Variants in RALYL observed in about 807,000 individuals in gnomAD.
RALYL encodes RNA-binding Raly-like protein.
RALYL carries 29 observed loss-of-function variants against 35.1 expected under a neutral mutation model. The observed-to-expected ratio is 0.83, with a 90% CI of 0.61 to 1.13. RALYL has a LOEUF of 1.13. RALYL is among the 50% of genes most tolerant of loss of function. RALYL has a pLI of 0.00. For synonymous variants in RALYL, 120 were observed against 127.6 expected, an observed-to-expected ratio of 0.94 and a Z score of 0.40; for missense variants, 359 against 360.4, an observed-to-expected ratio of 1.00 and a Z score of 0.03.
chr8:84,267,902 A>T (rs79527567), intron 1 of RALYL, among the ~76,000 whole-genome samples: 2,892 of 152,262 alleles, frequency 0.019, 42 homozygotes, highest in Non-Finnish European at 0.031. Context: ...AATTCCAAGA[A>T]CTTTGACTAT....
chr8:84,608,706 T>A (rs1817675340), intron 2 of RALYL, among the ~76,000 whole-genome samples: 1 of 152,020 alleles, frequency 6.6e-6, no homozygotes, highest in Non-Finnish European at 1.5e-5. Context: ...TGACACAGAG[T>A]TTCTGAATTC....
intron 1 of RALYL, among the ~76,000 whole-genome samples, chr8:84,189,317 C>A (rs1586029261): frequency 6.6e-6 from 1 of 152,156 alleles, no homozygotes; most frequent in South Asian, 2.1e-4. Context: ...TGCTTGAATT[C>A]TTTCCCAAAC....
intron 1 of RALYL, among the ~76,000 whole-genome samples, chr8:84,230,965 C>A (rs561303942): frequency 6.6e-6 from 1 of 152,308 alleles, no homozygotes; most frequent in Middle Eastern, 3.4e-3. Flanking sequence ...CACATATGTA[C>A]GGAGCCTCTA....
chr8:84,635,006 T>C (rs1824737425), intron 2 of RALYL, among the ~76,000 whole-genome samples: 1 of 151,736 alleles, frequency 6.6e-6, no homozygotes, highest in Admixed American at 6.6e-5. Flanking sequence ...ACCTGCTGTT[T>C]GCCAGATAAT....
At chr8:84,803,921 C>T (rs1339125929) in intron 3 of RALYL, among the ~76,000 whole-genome samples, 2 of 152,180 alleles carry the variant, frequency 1.3e-5, no homozygotes, top group Admixed American at 6.5e-5. Context: ...TTCAGTTCGC[C>T]TACATTTCAC....
At chr8:84,247,337 A>G (rs995852874) in intron 1 of RALYL, among the ~76,000 whole-genome samples, 15 of 152,026 alleles carry the variant, frequency 9.9e-5, no homozygotes, top group Non-Finnish European at 4.4e-5. Context: ...GATGTCTTAA[A>G]CCCTTTTGGT....
intron 6 of RALYL, among the ~76,000 whole-genome samples, chr8:84,871,454 T>A (rs1169454627): frequency 3.4e-4 from 52 of 152,356 alleles, no homozygotes; most frequent in Non-Finnish European, 7.3e-5. Context: ...AAATCTAATG[T>A]TATAAGATAA....
intron 2 of RALYL, among the ~76,000 whole-genome samples, chr8:84,731,455 A>G (rs1451339786): frequency 6.6e-6 from 1 of 152,282 alleles, no homozygotes; most frequent in East Asian, 1.9e-4. Flanking sequence ...GCAAGCAGTA[A>G]ATCTGGTAAT....
At chr8:84,198,948 G>A (rs563957925) in intron 1 of RALYL, among the ~76,000 whole-genome samples, 2 of 152,280 alleles carry the variant, frequency 1.3e-5, no homozygotes, top group Admixed American at 1.3e-4. Context: ...GAACAGTGCT[G>A]CAACATAGGA....
intron 4 of RALYL, among the ~76,000 whole-genome samples, chr8:84,834,961 G>C (rs1439577130): frequency 6.6e-6 from 1 of 152,118 alleles, no homozygotes; most frequent in Non-Finnish European, 1.5e-5. Flanking sequence ...AATATATTTA[G>C]ATAGAAGTGT....
chr8:84,629,731 A>G (rs1428785907), intron 2 of RALYL, among the ~76,000 whole-genome samples: 1 of 152,032 alleles, frequency 6.6e-6, no homozygotes, highest in Non-Finnish European at 1.5e-5. Context: ...AAAGCTTGAA[A>G]GGTTATGCAC....
In RALYL at chr8:84,523,530, T is replaced by C. The variant is rs2058638703; in HGVS notation, c.-23-5769T>C. Among the ~76,000 whole-genome samples, 3 of 152,208 alleles carry C rather than the reference T, an allele frequency of 2.0e-5. No individual in the cohort carries two copies. The South Asian group carries it at 6.2e-4, about 32-fold the overall frequency. On this transcript the variant is annotated intron_variant, in intron 1 of 8. Coordinates refer to ENST00000521268, the MANE Select transcript of RALYL (RefSeq NM_173848.7). The stretch of plus-strand genomic sequence containing the variant: ...TTTTTTATTTTTTTATTTTTTTTAT[T>C]ATACTTTAAGTTTTAGGGTACATGT...
At chr8:84,522,064 C>A (rs745425351) in intron 1 of RALYL, among the ~76,000 whole-genome samples, 1 of 151,992 alleles carries the variant, frequency 6.6e-6, no homozygotes, top group Non-Finnish European at 1.5e-5. Flanking sequence ...GAAATACTAT[C>A]ATTTGCCTAA....
chr8:84,660,785 T>C (rs138175216), intron 2 of RALYL, among the ~76,000 whole-genome samples: 20 of 152,198 alleles, frequency 1.3e-4, no homozygotes, highest in African/African-American at 4.8e-4. Flanking sequence ...TTGAGACTAT[T>C]GAGACTTCAT....
intron 1 of RALYL, among the ~76,000 whole-genome samples, chr8:84,459,900 T>C (rs1172753790): frequency 6.6e-6 from 1 of 151,790 alleles, no homozygotes; most frequent in Non-Finnish European, 1.5e-5. Flanking sequence ...CTTCTGCTTC[T>C]TTGGAAGTTC....
intron 4 of RALYL, among the ~76,000 whole-genome samples, chr8:84,849,356 A>T (rs1337599666): frequency 6.6e-6 from 1 of 152,120 alleles, no homozygotes; most frequent in Non-Finnish European, 1.5e-5. Context: ...ATTTCTATTC[A>T]CCATTTCTAT....
intron 1 of RALYL, among the ~76,000 whole-genome samples, chr8:84,299,642 G>A (rs1840399719): frequency 6.6e-6 from 1 of 151,620 alleles, no homozygotes; most frequent in African/African-American, 2.4e-5. Context: ...ATTCAACTTT[G>A]GAATTCATTA....
At chr8:84,806,345 G>T (rs1012698751) in intron 4 of RALYL, among the ~76,000 whole-genome samples, 5 of 152,126 alleles carry the variant, frequency 3.3e-5, no homozygotes, top group Non-Finnish European at 7.4e-5. Context: ...TAGTTTGAAT[G>T]CATGTGTATT....
At chr8:84,470,481 C>G (rs571504397) in intron 1 of RALYL, among the ~76,000 whole-genome samples, 2 of 140,304 alleles carry the variant, frequency 1.4e-5, no homozygotes, top group East Asian at 4.1e-4. Context: ...TTTTTTTTTT[C>G]TGTTGCCAAA....
Sources: allele counts gnomAD v4.1 joint callset (sites outside exome capture counted in the v4.1 genomes callset), GRCh38; gene constraint gnomAD v4.1.1; transcripts MANE v1.5; gene names NCBI Gene and HGNC (gene_info 2026-07-23, HGNC 2026-07-21).